Variants in LTN1 observed in about 807,000 individuals in gnomAD.
The protein encoded by LTN1 is listerin E3 ubiquitin protein ligase 1, also known as E3 ubiquitin-protein ligase listerin.
LTN1 carries 88 observed loss-of-function variants against 201.2 expected under a neutral mutation model. That is an observed-to-expected ratio of 0.44 (90% CI 0.37 to 0.52). The LOEUF (loss-of-function observed/expected upper bound fraction) is 0.52. Ranked by LOEUF, LTN1 falls within the 20% of genes least tolerant of loss-of-function variation. The probability of loss-of-function intolerance (pLI) is 0.00; values close to 1 mark genes in which losing one functional copy is unlikely to be tolerated. For missense variants in LTN1, 1,752 were observed against 2,038.7 expected (o/e 0.86, Z 2.71); for synonymous variants, 645 against 713.5 (o/e 0.90, Z 1.53).
intron 1 of LTN1, among the ~76,000 whole-genome samples, chr21:28,992,346 A>G (rs1415366112): frequency 1.3e-5 from 2 of 152,170 alleles, no homozygotes; most frequent in Non-Finnish European, 2.9e-5. Context: ...GCTTAGGAGA[A>G]GCCACTGTAG....
intron 14 of LTN1, among the ~76,000 whole-genome samples, chr21:28,958,017 C>T (rs1325028957): frequency 6.6e-6 from 1 of 152,170 alleles, no homozygotes; most frequent in African/African-American, 2.4e-5. Flanking sequence ...GTTATGAGTC[C>T]AGCAGGTATG....
At chr21:28,973,175 C>T (rs1011929365) in intron 6 of LTN1, among the ~76,000 whole-genome samples, 2 of 151,442 alleles carry the variant, frequency 1.3e-5, no homozygotes, top group Non-Finnish European at 2.9e-5. Flanking sequence ...TAGCAAAACC[C>T]CATCTTTACT....
Position 28,936,512 on chromosome 21 carries a change from C to T in LTN1, c.4654+14G>A. The T allele has an allele frequency of 6.3e-7, 1 of 1,596,126 alleles. No individual in the cohort carries two copies. Among genetic ancestry groups the T allele is most frequent in the Non-Finnish European group, 8.6e-7 (1 of 1,169,482 alleles). ...TAGTGTCCAAGAAAGAACATAAACA[C>T]ATATCTTACTGACCTCTAATACTCA... is the stretch of plus-strand genomic sequence containing the variant. On this transcript the variant is annotated intron_variant, in intron 26 of 29. Coordinates refer to ENST00000361371, the MANE Select transcript of LTN1 (RefSeq NM_015565.3).
intron 18 of LTN1, among the ~76,000 whole-genome samples, chr21:28,949,038 A>C (rs534269841): frequency 5.3e-5 from 8 of 152,204 alleles, no homozygotes; most frequent in Non-Finnish European, 1.0e-4. Flanking sequence ...CATTTAATGA[A>C]TCTTTTTGAT....
chr21:28,945,020 G>C (rs1335672726), intron 21 of LTN1, among the ~76,000 whole-genome samples: 2 of 152,112 alleles, frequency 1.3e-5, no homozygotes, highest in African/African-American at 4.8e-5. Flanking sequence ...GCAGGAGTTT[G>C]AGACCAGCCT....
At position 28,952,211 on chromosome 21, in the gene LTN1, G is replaced by T; in HGVS notation, c.3293C>A (p.Ser1098Tyr). 6.2e-7 allele frequency: 1 copy of T among 1,611,034 alleles called. No individual in the cohort carries two copies. Among genetic ancestry groups the T allele is most frequent in the Non-Finnish European group, 8.5e-7 (1 of 1,178,338 alleles). Residue 1098 changes from serine to tyrosine, a missense_variant, in exon 18 of 30, where the codon TCC (serine) becomes TAC (tyrosine). Physicochemically the swap from Ser to Tyr is moderately radical, Grantham distance 144. Around this residue, in one of 3 missense-constraint regions of LTN1, gnomAD observed 1,211 missense variants for 1,312.8 expected, o/e 0.92. Coordinates refer to ENST00000361371, the MANE Select transcript of LTN1 (RefSeq NM_015565.3). ...WSLIIAKLIL[S>Y]RSISSDEVKP... ...TACTTCATCAGATGAAATGCTTCGG[G>T]AAAGGATCAACTTAGCAATAATAAG...
intron 27 of LTN1, among the ~76,000 whole-genome samples, chr21:28,933,233 C>T (rs2084225761): frequency 6.6e-6 from 1 of 152,134 alleles, no homozygotes; most frequent in African/African-American, 2.4e-5. Context: ...CTGCTTCTAC[C>T]TCATCCTAGA....
In LTN1 at chr21:28,971,421, T is replaced by C. The variant is rs761161941; in HGVS notation, c.834A>G (p.Leu278=). Residue 278 remains leucine, a synonymous_variant, in exon 7 of 30, where the codon TTA becomes TTG. Transcript: ENST00000361371. ...GAATGCGCTGGCACAATGCAGAGAC[T>C]AACTCAAAATAAGCTGAGCGAATCT... ...VPQIRSAYFE[L]VSALCQRIPQ... 6 of 1,613,804 alleles carry C rather than the reference T, an allele frequency of 3.7e-6. No homozygotes were observed. The highest frequency in any genetic ancestry group is 3.3e-5 in the South Asian group (3 of 91,012).
chr21:28,941,020 TGAGCC>T (rs1324797436), intron 25 of LTN1, among the ~76,000 whole-genome samples, 195 bp downstream of exon 25: 1 of 152,156 alleles, frequency 6.6e-6, no homozygotes, highest in Non-Finnish European at 1.5e-5. Context: ...GAGGTTGCAG[TGAGCC>T]GAGATTGTGC....
At chr21:28,963,482 A>C (rs2146294457) in intron 11 of LTN1, among the ~76,000 whole-genome samples, 1 of 152,332 alleles carries the variant, frequency 6.6e-6, no homozygotes, top group East Asian at 1.9e-4. Context: ...CACTGTTGGA[A>C]AAACGAAGGA....
chr21:28,957,499 A>C (rs997166283), intron 14 of LTN1, 23 bp from the exon 15 acceptor site: 2 of 1,519,988 alleles, frequency 1.3e-6, no homozygotes, highest in Non-Finnish European at 1.8e-6. Flanking sequence ...CAGAGAACTT[A>C]ACTGTTGTAG....
At chr21:28,958,912 A>G (rs1193501048) in intron 13 of LTN1, among the ~76,000 whole-genome samples, 2 of 152,000 alleles carry the variant, frequency 1.3e-5, no homozygotes, top group Middle Eastern at 3.2e-3. Flanking sequence ...AAAAAAAGAG[A>G]GAGAGAAAGA....
At chr21:28,975,371 C>T (rs1052641853) in intron 6 of LTN1, among the ~76,000 whole-genome samples, 2 of 151,940 alleles carry the variant, frequency 1.3e-5, no homozygotes, top group Non-Finnish European at 2.9e-5. Context: ...ATACAAATGG[C>T]CCATAAACAT....
In LTN1 at chr21:28,981,205, T is replaced by C. The variant is rs2084656115; in HGVS notation, c.724A>G (p.Asn242Asp). 2.5e-6 allele frequency: 4 copies of C among 1,599,502 alleles called. No individual in the cohort carries two copies. The highest frequency in any genetic ancestry group is 3.4e-6 in the Non-Finnish European group (4 of 1,175,676). ...LKRLLCLLPD[N>D]ELDSLEEKFK... ...TTCTCCTCCAGAGAATCAAGCTCAT[T>C]ATCAGGTAAAAGGCAAAGTAATCTC... The change falls in exon 6 of 30, where the codon AAT becomes GAT. Residue 242 changes from asparagine (N) to aspartate (D), a missense_variant. Asn to Asp is a conservative substitution (Grantham distance 23). Around this residue, in one of 3 missense-constraint regions of LTN1, gnomAD observed 280 missense variants for 375.7 expected, o/e 0.75. Coordinates refer to ENST00000361371, the MANE Select transcript of LTN1 (RefSeq NM_015565.3).
Position 28,964,839 on chromosome 21 carries a change from T to C in LTN1, c.2163+1026A>G, listed in dbSNP as rs1044928046. 65 of 1,428,838 alleles carry C rather than the reference T, an allele frequency of 4.5e-5. No homozygotes were observed. The East Asian group carries it at 1.6e-3, about 36-fold the overall frequency. The allele number at this position is 1,428,838 out of a possible 1,614,324, so 88.5% of individuals were successfully genotyped here. A position where few individuals can be genotyped will look rare whatever the true frequency, so the allele number is the denominator to read the frequency against. ...ACCCCCTGCTCTGAATCAAGGCTTATCAAGGAGCTTTCTGATAATTTAGCT... is the reference window on the plus strand; with the variant it reads ...ACCCCCTGCTCTGAATCAAGGCTTACCAAGGAGCTTTCTGATAATTTAGCT... On this transcript the variant is annotated intron_variant, in intron 11 of 29. Coordinates refer to ENST00000361371, the MANE Select transcript of LTN1 (RefSeq NM_015565.3).
At chr21:28,949,625 A>G (rs1269877321) in intron 18 of LTN1, among the ~76,000 whole-genome samples, 1 of 152,202 alleles carries the variant, frequency 6.6e-6, no homozygotes, top group African/African-American at 2.4e-5. Context: ...TTCACTCAGC[A>G]TAATGTCCTC....
At chr21:28,990,276 CAG>C (rs754748863) in intron 1 of LTN1, among the ~76,000 whole-genome samples, 1 of 152,190 alleles carries the variant, frequency 6.6e-6, no homozygotes, top group Non-Finnish European at 1.5e-5. Context: ...CATCCAGTAT[CAG>C]AGTCTTCTAT....
At position 28,984,907 on chromosome 21, in the gene LTN1, C is replaced by T. The variant is rs374171789; in HGVS notation, c.361G>A (p.Val121Ile). The T allele has an allele frequency of 1.3e-5, 21 of 1,612,864 alleles. No homozygotes were observed. The highest frequency in any genetic ancestry group is 8.0e-5 in the African/African-American group (6 of 74,778). The change falls in exon 4 of 30, where the codon GTC becomes ATC. Residue 121 changes from valine (V) to isoleucine (I), a missense_variant. By Grantham distance (29) the Val-to-Ile change is conservative. Transcript: ENST00000361371. ...AAAGCTTGTTGTGTGGCTTCTCGGA[C>T]GCGACGGTCATGATCCTATTAAAAA... ...CKISLDHDRR[V>I]REATQQAFEK...
At chr21:28,971,125 A>G in intron 7 of LTN1, 146 bp downstream of exon 7, 1 of 609,838 alleles carries the variant, frequency 1.6e-6, no homozygotes, top group Non-Finnish European at 2.6e-6. Context: ...AAATAAAATA[A>G]AAACTCTATG....
Sources: allele counts gnomAD v4.1 joint callset (sites outside exome capture counted in the v4.1 genomes callset), GRCh38; gene constraint gnomAD v4.1.1; regional missense constraint gnomAD v4.1.1; transcripts MANE v1.5; gene names NCBI Gene and HGNC (gene_info 2026-07-23, HGNC 2026-07-21).